Variants in STK32A observed in about 807,000 individuals in gnomAD.
STK32A encodes serine/threonine kinase 32A.
In STK32A, 41 loss-of-function variants were observed where a neutral mutation model predicts 53.2. The observed-to-expected ratio is 0.77, with a 90% CI of 0.60 to 1.00. The LOEUF (loss-of-function observed/expected upper bound fraction) is 1.00. STK32A is among the 50% of genes least tolerant of loss of function. The probability of loss-of-function intolerance (pLI) is 0.00; values close to 1 mark genes in which losing one functional copy is unlikely to be tolerated. For missense variants in STK32A, 458 were observed against 485.8 expected, an observed-to-expected ratio of 0.94 and a Z score of 0.54; for synonymous variants, 166 against 162.8, an observed-to-expected ratio of 1.02 and a Z score of -0.15.
chr5:147,337,726 G>C (rs1404002264), intron 5 of STK32A, among the ~76,000 whole-genome samples: 2 of 152,118 alleles, frequency 1.3e-5, no homozygotes, highest in Non-Finnish European at 2.9e-5. Flanking sequence ...TGGGGGTTGA[G>C]AGAATGAAGC....
At chr5:147,297,911 TAGA>T (rs201156449) in intron 4 of STK32A, among the ~76,000 whole-genome samples, 2,002 of 147,780 alleles carry the variant, frequency 0.014, 39 homozygotes, top group African/African-American at 0.042. Flanking sequence ...ACCTGGGAGG[TAGA>T]GGCTGTAGTG....
At position 147,387,611 on chromosome 5, in the gene STK32A, C is replaced by G. The variant is rs1288088392; in HGVS notation, c.*3628C>G. 6.6e-6 allele frequency: 1 copy of G among 152,156 alleles called. No individual in the cohort carries two copies. The highest frequency in any genetic ancestry group is 1.5e-5 in the Non-Finnish European group (1 of 68,046). The allele number at this position is 152,156 out of a possible 1,614,324, so 9.4% of individuals were successfully genotyped here. On this transcript the variant is annotated 3_prime_UTR_variant, in exon 13 of 13. Coordinates refer to ENST00000397936, the MANE Select transcript of STK32A (RefSeq NM_001112724.2). ...AAGCTTGTTTCTGTACCCAGTTGTC[C>G]CTGTATTGTCTACATAAAATCCTGT...
chr5:147,283,855 T>A (rs1262848127), intron 4 of STK32A, among the ~76,000 whole-genome samples: 1 of 151,936 alleles, frequency 6.6e-6, no homozygotes, highest in Non-Finnish European at 1.5e-5. Flanking sequence ...CAGAATTATA[T>A]CAGACATTCA....
chr5:147,343,075 A>C, intron 6 of STK32A, 32 bp downstream of exon 6: 1 of 1,610,326 alleles, frequency 6.2e-7, no homozygotes, highest in Non-Finnish European at 8.5e-7. Context: ...AATCAAGTAC[A>C]TGACATGCAT....
chr5:147,260,664 C>T (rs1334125639), intron 2 of STK32A, among the ~76,000 whole-genome samples: 1 of 152,072 alleles, frequency 6.6e-6, no homozygotes, highest in Non-Finnish European at 1.5e-5. Flanking sequence ...CCTGTTTCCC[C>T]CACTCTGATG....
chr5:147,363,103 A>AAAAC (rs1418245667), intron 8 of STK32A, among the ~76,000 whole-genome samples: 35 of 108,448 alleles, frequency 3.2e-4, no homozygotes, highest in South Asian at 3.1e-4. Context: ...AACAAAACAA[A>AAAAC]AAACAAACAA....
chr5:147,361,961 T>C (rs919019707), intron 8 of STK32A, among the ~76,000 whole-genome samples: 1 of 152,240 alleles, frequency 6.6e-6, no homozygotes, highest in Admixed American at 6.5e-5. Flanking sequence ...TACAGGACTC[T>C]AATTCAGACA....
chr5:147,367,016 A>T (rs1756779649), intron 8 of STK32A, among the ~76,000 whole-genome samples: 1 of 151,954 alleles, frequency 6.6e-6, no homozygotes, highest in Admixed American at 6.6e-5. Context: ...TTGTTAATTC[A>T]TTAAAGGTAA....
chr5:147,279,444 G>A (rs1453634343), intron 4 of STK32A, 46 bp downstream of exon 4: 13 of 1,528,548 alleles, frequency 8.5e-6, no homozygotes, highest in East Asian at 7.4e-5. Context: ...TCCTGTTATC[G>A]GTGGGCTAGG....
At chr5:147,281,275 A>G (rs537244593) in intron 4 of STK32A, among the ~76,000 whole-genome samples, 6 of 152,290 alleles carry the variant, frequency 3.9e-5, no homozygotes, top group East Asian at 1.9e-4. Context: ...TTACCTGAAA[A>G]AGAATTCAGG....
At chr5:147,278,973 G>A (rs1751904366) in intron 3 of STK32A, among the ~76,000 whole-genome samples, 1 of 152,114 alleles carries the variant, frequency 6.6e-6, no homozygotes, top group Admixed American at 6.5e-5. Flanking sequence ...TGACATGGAG[G>A]CAGCTATTTT....
At position 147,247,093 on chromosome 5, in the gene STK32A, A is replaced by C. The variant is rs141878952; in HGVS notation, c.52+7407A>C. Among the ~76,000 whole-genome samples, 5 of 152,364 alleles carry C rather than the reference A, an allele frequency of 3.3e-5. No homozygotes were observed. The East Asian group carries it at 9.6e-4, about 29-fold the overall frequency. On this transcript the variant is annotated intron_variant, in intron 2 of 12. Transcript: ENST00000397936. ...TTGCAACTACCTAGGTTGAAAAATT[A>C]AATCTGCAAGCCAGTTTCATTATTC...
At chr5:147,292,861 C>CAA (rs58476342) in intron 4 of STK32A, among the ~76,000 whole-genome samples, 1 of 145,888 alleles carries the variant, frequency 6.9e-6, no homozygotes, top group African/African-American at 2.5e-5. Context: ...AACTTCATCT[C>CAA]AAAAAAAAAA....
At chr5:147,369,015 T>G (rs1001193734) in intron 8 of STK32A, among the ~76,000 whole-genome samples, 69 of 152,226 alleles carry the variant, frequency 4.5e-4, no homozygotes, top group African/African-American at 1.4e-3. Context: ...ATGATAAACA[T>G]GGTCTGAATC....
chr5:147,333,611 G>A (rs1212469878), intron 5 of STK32A, among the ~76,000 whole-genome samples: 1 of 152,116 alleles, frequency 6.6e-6, no homozygotes, highest in African/African-American at 2.4e-5. Flanking sequence ...AGGCTGTGGT[G>A]ATGATATATT....
chr5:147,352,154 G>A (rs1756014513), intron 7 of STK32A, among the ~76,000 whole-genome samples: 1 of 152,204 alleles, frequency 6.6e-6, no homozygotes, highest in African/African-American at 2.4e-5. Flanking sequence ...GGAGGCTGCA[G>A]TGAGCTATGA....
intron 8 of STK32A, among the ~76,000 whole-genome samples, chr5:147,364,955 A>T (rs980217785): frequency 2.0e-5 from 3 of 152,120 alleles, no homozygotes; most frequent in Non-Finnish European, 4.4e-5. Flanking sequence ...AGAGTTGAAG[A>T]CCTGACTTTA....
intron 5 of STK32A, among the ~76,000 whole-genome samples, chr5:147,333,111 T>A (rs988230413): frequency 1.3e-5 from 2 of 152,234 alleles, no homozygotes; most frequent in African/African-American, 4.8e-5. Flanking sequence ...CTTTCAGGTT[T>A]AGTCATTTAA....
chr5:147,293,539 AG>A (rs141404790), intron 4 of STK32A, among the ~76,000 whole-genome samples: 49,325 of 148,814 alleles, frequency 0.33, 8,616 homozygotes, highest in South Asian at 0.6. Flanking sequence ...GATTTTGGAA[AG>A]TTTGTCAAAT....
Sources: gnomAD v4.1 joint callset for allele counts (sites outside exome capture counted in the v4.1 genomes callset) on GRCh38, gnomAD v4.1.1 for gene constraint, MANE v1.5 for transcripts, NCBI Gene and HGNC (gene_info 2026-07-23, HGNC 2026-07-21) for gene names.